The following RAB38 variants were observed in gnomAD, a reference collection of about 807,000 sequenced individuals.
RAB38 encodes the protein RAB38, member RAS oncogene family, also known as ras-related protein Rab-38.
In RAB38, 15 loss-of-function variants were observed where a neutral mutation model predicts 18.4. The ratio of observed to expected loss-of-function variants is 0.82; its 90% CI spans 0.55 to 1.26. RAB38 has a LOEUF of 1.26. RAB38 is among the 50% of genes most tolerant of loss of function. The pLI is 0.00. For missense variants in RAB38, 294 were observed against 267.4 expected, an observed-to-expected ratio of 1.10 and a Z score of -0.69; for synonymous variants, 101 against 104.4, an observed-to-expected ratio of 0.97 and a Z score of 0.20.
At chr11:87,947,238 G>GT in the RAB38 span, among the ~76,000 whole-genome samples, 3 of 150,966 alleles carry the variant, frequency 2.0e-5, no homozygotes, top group Non-Finnish European at 4.4e-5. Context: ...TGATGGGGTT[G>GT]TTTTTTTTCT....
chr11:88,033,630 G>A, the RAB38 span, among the ~76,000 whole-genome samples: 1 of 150,892 alleles, frequency 6.6e-6, no homozygotes, highest in Non-Finnish European at 1.5e-5. Context: ...GTTTCTGTGT[G>A]TGTCTTTAGT....
At chr11:88,028,702 A>G in the RAB38 span, among the ~76,000 whole-genome samples, 1 of 152,224 alleles carries the variant, frequency 6.6e-6, no homozygotes, top group South Asian at 2.1e-4. Flanking sequence ...AGAAATGAAC[A>G]AAGCCTCCAA....
chr11:88,032,760 C>A, the RAB38 span, among the ~76,000 whole-genome samples: 62 of 152,278 alleles, frequency 4.1e-4, no homozygotes, highest in African/African-American at 1.4e-3. Flanking sequence ...GAAATAGGAA[C>A]ACTTTTACAC....
At chr11:88,146,699 GTGT>G (rs1342695003) in intron 2 of RAB38, among the ~76,000 whole-genome samples, 3 of 152,210 alleles carry the variant, frequency 2.0e-5, no homozygotes, top group Non-Finnish European at 4.4e-5. Flanking sequence ...GAGCTTCTCA[GTGT>G]TGACTTTGAA....
the RAB38 span, among the ~76,000 whole-genome samples, chr11:87,944,992 C>G: frequency 6.6e-6 from 1 of 152,118 alleles, no homozygotes; most frequent in Non-Finnish European, 1.5e-5. Context: ...TTTAATGACT[C>G]TCTTCTTTTG....
the RAB38 span, among the ~76,000 whole-genome samples, chr11:87,844,260 G>C: frequency 1.3e-5 from 2 of 152,166 alleles, no homozygotes; most frequent in Non-Finnish European, 2.9e-5. Context: ...TACAAGGATA[G>C]TAATTCATTT....
the RAB38 span, among the ~76,000 whole-genome samples, chr11:88,027,923 C>A: frequency 6.6e-6 from 1 of 152,206 alleles, no homozygotes; most frequent in Admixed American, 6.5e-5. Flanking sequence ...CAGACTGCCT[C>A]CTCAAGTGGG....
At chr11:87,977,926 G>GT in the RAB38 span, among the ~76,000 whole-genome samples, 1 of 96,030 alleles carries the variant, frequency 1.0e-5, no homozygotes, top group African/African-American at 4.3e-5. Flanking sequence ...AATATGTAGT[G>GT]ACACCTTTAT....
the RAB38 span, among the ~76,000 whole-genome samples, chr11:88,009,872 G>A: frequency 6.9e-4 from 105 of 152,060 alleles, no homozygotes; most frequent in Non-Finnish European, 1.4e-3. Context: ...AGAACCATAA[G>A]TATCTTGGAT....
chr11:88,007,452 C>A, the RAB38 span, among the ~76,000 whole-genome samples: 37 of 151,988 alleles, frequency 2.4e-4, no homozygotes, highest in Admixed American at 2.6e-4. Flanking sequence ...TTGACAGATA[C>A]TTCATCAAAC....
the RAB38 span, among the ~76,000 whole-genome samples, chr11:87,931,725 G>C: frequency 6.6e-6 from 1 of 152,102 alleles, no homozygotes; most frequent in Non-Finnish European, 1.5e-5. Context: ...ATTAACAAGT[G>C]TATTAAGAAC....
the RAB38 span, among the ~76,000 whole-genome samples, chr11:88,102,940 C>T: frequency 2.6e-5 from 4 of 152,016 alleles, no homozygotes; most frequent in Non-Finnish European, 5.9e-5. Flanking sequence ...ACACTAGATT[C>T]TGATATGTCA....
At chr11:87,947,637 A>G in the RAB38 span, among the ~76,000 whole-genome samples, 1 of 152,246 alleles carries the variant, frequency 6.6e-6, no homozygotes, top group Admixed American at 6.5e-5. Flanking sequence ...ACCATTTATT[A>G]AATAGGGAAT....
At chr11:88,160,213 T>C (rs7116668) in intron 1 of RAB38, among the ~76,000 whole-genome samples, 37,866 of 151,834 alleles carry the variant, frequency 0.25, 4,751 homozygotes, top group Admixed American at 0.27. Context: ...AGCCAATAAA[T>C]GTGAAAAAAT....
At chr11:88,049,757 T>C in the RAB38 span, among the ~76,000 whole-genome samples, 1 of 152,226 alleles carries the variant, frequency 6.6e-6, no homozygotes, top group Non-Finnish European at 1.5e-5. Flanking sequence ...GCCTGTTTGG[T>C]GGTCTCTTCA....
chr11:88,030,373 A>G, the RAB38 span, among the ~76,000 whole-genome samples: 4 of 152,222 alleles, frequency 2.6e-5, no homozygotes, highest in Non-Finnish European at 5.9e-5. Flanking sequence ...AGAAATAACT[A>G]AAATCAGAGC....
the RAB38 span, among the ~76,000 whole-genome samples, chr11:87,805,621 A>G: frequency 2.4e-3 from 260 of 109,406 alleles, no homozygotes; most frequent in Middle Eastern, 8.9e-3. Flanking sequence ...ACACACACAC[A>G]CGCACACACA....
the RAB38 span, among the ~76,000 whole-genome samples, chr11:88,029,837 C>A: frequency 2.0e-5 from 3 of 152,122 alleles, no homozygotes; most frequent in Admixed American, 6.5e-5. Context: ...AGAAAGTCAA[C>A]AAGGATACCA....
the RAB38 span, among the ~76,000 whole-genome samples, chr11:88,020,323 G>C: frequency 6.6e-6 from 1 of 152,086 alleles, no homozygotes; most frequent in African/African-American, 2.4e-5. Flanking sequence ...AGACAAAATA[G>C]ATTTCCAGAC....
Sources: allele counts gnomAD v4.1 joint callset (sites outside exome capture counted in the v4.1 genomes callset), GRCh38; gene constraint gnomAD v4.1.1; transcripts MANE v1.5; gene names NCBI Gene and HGNC (gene_info 2026-07-23, HGNC 2026-07-21).